The following PDLIM7 variants were observed in gnomAD, a reference collection of about 807,000 sequenced individuals.
The protein encoded by PDLIM7 is PDZ and LIM domain protein 7.
A neutral mutation model predicts 53.9 loss-of-function variants in PDLIM7; 37 were observed. That is an observed-to-expected ratio of 0.69 (90% CI 0.53 to 0.90). PDLIM7 has a LOEUF of 0.90. Ranked by LOEUF, PDLIM7 falls within the 40% of genes least tolerant of loss-of-function variation. The probability of loss-of-function intolerance (pLI) is 0.00; values close to 1 mark genes in which losing one functional copy is unlikely to be tolerated. For missense variants in PDLIM7, 617 were observed against 638.5 expected (o/e 0.97, Z 0.36); for synonymous variants, 300 against 261.3 (o/e 1.15, Z -1.43).
chr5:177,490,641 G>A, intron 7 of PDLIM7: 2 of 1,335,396 alleles, frequency 1.5e-6, no homozygotes, highest in African/African-American at 1.5e-5. Flanking sequence ...AAGGAGAGAT[G>A]GAAGGGAGGC....
intron 7 of PDLIM7, chr5:177,490,610 G>C: frequency 1.3e-6 from 2 of 1,532,108 alleles, no homozygotes; most frequent in Non-Finnish European, 1.8e-6. Context: ...GGCAGAGAGA[G>C]AGGGAGGAAG....
In PDLIM7 at chr5:177,491,443, A is replaced by C. The variant is rs1174902743; in HGVS notation, c.399-297T>G. 18 of 1,538,166 alleles carry C rather than the reference A, an allele frequency of 1.2e-5. No homozygotes were observed. In the Admixed American group the frequency reaches 3.3e-4, roughly 28 times the overall value. On this transcript the variant is annotated intron_variant, in intron 5 of 12. Coordinates refer to ENST00000355841, the MANE Select transcript of PDLIM7 (RefSeq NM_005451.5). ...CACCTGTGAAGGAAATAAGACAGAC[A>C]GACAGATAAAGGGACAAAGGGACAG...
At chr5:177,491,276 C>T in intron 5 of PDLIM7, 130 bp from the exon 6 acceptor site, 2 of 1,438,676 alleles carry the variant, frequency 1.4e-6, no homozygotes, top group Non-Finnish European at 1.9e-6. Flanking sequence ...GGCCAGGAGC[C>T]CTGCTGGGCG....
intron 10 of PDLIM7, among the ~76,000 whole-genome samples, chr5:177,486,791 C>T (rs780569585): frequency 5.3e-5 from 8 of 151,496 alleles, no homozygotes; most frequent in South Asian, 2.1e-4. Context: ...CCACCATGCC[C>T]GGCCAATTTT....
intron 7 of PDLIM7, chr5:177,490,063 G>A (rs898312032): frequency 3.2e-5 from 49 of 1,531,760 alleles, no homozygotes; most frequent in Non-Finnish European, 4.3e-5. Context: ...CCGCTTCTGA[G>A]GCAGCTCCTG....
At chr5:177,496,390 G>A (rs1304350207) in intron 2 of PDLIM7, 27 bp downstream of exon 2, 2 of 1,512,158 alleles carry the variant, frequency 1.3e-6, no homozygotes, top group Non-Finnish European at 1.8e-6. Flanking sequence ...ACCGCTGGGG[G>A]AGCCCCCTCC....
At chr5:177,493,873 G>C (rs1360040245) in intron 2 of PDLIM7, among the ~76,000 whole-genome samples, 1 of 152,198 alleles carries the variant, frequency 6.6e-6, no homozygotes, top group Non-Finnish European at 1.5e-5. Context: ...GGCTCCTCAG[G>C]TGGGTCAGTG....
intron 4 of PDLIM7, 95 bp downstream of exon 4, chr5:177,492,310 G>A: frequency 2.7e-6 from 4 of 1,492,886 alleles, no homozygotes; most frequent in Non-Finnish European, 9.1e-7. Context: ...TCCCGGCCAG[G>A]GATTGGGGTA....
rs770139206 is a variant in PDLIM7, at chr5:177,489,521, G to T, written c.741C>A (p.Ser247Arg). The part of the protein sequence containing the change: ...DKTSTVLTRH[S>R]QPATPTPLQS... ...GCAGCGGCGTGGGCGTGGCCGGCTG[G>T]CTGTGCCGGGTCAGCACTGTGCTCG... Residue 247 changes from serine to arginine, a missense_variant, in exon 9 of 13, where the codon AGC becomes AGA. Ser to Arg is a moderately radical substitution (Grantham distance 110). Coordinates refer to ENST00000355841, the MANE Select transcript of PDLIM7 (RefSeq NM_005451.5). The T allele has an allele frequency of 1.9e-6, 3 of 1,609,282 alleles. No homozygotes were observed. The East Asian group carries it at 6.7e-5, about 36-fold the overall frequency.
At chr5:177,489,942 T>C (rs929099552) in intron 7 of PDLIM7, 110 bp from the exon 8 acceptor site, 3 of 1,537,630 alleles carry the variant, frequency 2.0e-6, no homozygotes, top group Non-Finnish European at 1.7e-6. Flanking sequence ...GCGTGGAAAC[T>C]GCCGAGTTGG....
chr5:177,495,920 C>A (rs540240393), intron 2 of PDLIM7, among the ~76,000 whole-genome samples: 1 of 152,158 alleles, frequency 6.6e-6, no homozygotes, highest in Non-Finnish European at 1.5e-5. Flanking sequence ...TGCTGTGCCT[C>A]AATTCCAATC....
chr5:177,496,259 G>C (rs958350664), intron 2 of PDLIM7, among the ~76,000 whole-genome samples, 158 bp downstream of exon 2: 3 of 152,168 alleles, frequency 2.0e-5, no homozygotes, highest in Non-Finnish European at 4.4e-5. Context: ...CTCATTGGGA[G>C]TCCTTGTGGC....
intron 4 of PDLIM7, 185 bp downstream of exon 4, chr5:177,492,220 G>A: frequency 1.4e-6 from 1 of 701,940 alleles, no homozygotes; most frequent in Non-Finnish European, 2.3e-6. Context: ...GCGGACATGC[G>A]TGGTGCCAGG....
chr5:177,492,682 G>A lies in PDLIM7; in HGVS notation c.97-5C>T, dbSNP rs1456514252. The A allele has an allele frequency of 6.2e-7, 1 of 1,600,488 alleles. No individual in the cohort carries two copies. The highest frequency in any genetic ancestry group is 2.2e-5 in the East Asian group (1 of 44,742). On this transcript the variant is annotated splice_region_variant and splice_polypyrimidine_tract_variant and intron_variant, in intron 2 of 12. Coordinates refer to ENST00000355841, the MANE Select transcript of PDLIM7 (RefSeq NM_005451.5). ...CGCTTTGCCCCCAGGAGTGAGCTGT[G>A]GAGAGAGAAGCAAAGTGACCGAGGC...
chr5:177,492,429 C>T lies in PDLIM7; in HGVS notation c.255G>A (p.Gln85=). The T allele has an allele frequency of 6.2e-7, 1 of 1,613,668 alleles. No individual in the cohort carries two copies. The highest frequency in any genetic ancestry group is 8.5e-7 in the Non-Finnish European group (1 of 1,179,790). ...CCTTCTGCGGTTTGCTCTGAACCGGCTGGGCCCTGGAGGAGAAGGAAAGCG... is the reference window on the plus strand; with the variant it reads ...CCTTCTGCGGTTTGCTCTGAACCGGTTGGGCCCTGGAGGAGAAGGAAAGCG... ...ERLSLGLSRA[Q]PVQSKPQKAS... The change falls in exon 4 of 13, where the codon CAG becomes CAA. Residue 85 remains glutamine (Q), a synonymous_variant. Coordinates refer to ENST00000355841, the MANE Select transcript of PDLIM7 (RefSeq NM_005451.5).
In PDLIM7 at chr5:177,489,427, T is replaced by C; in HGVS notation, c.835A>G (p.Thr279Ala). ...VPGGGSNNGK[T>A]PVCHQCHKVI... ...TTGTGGCACTGGTGACACACGGGAG[T>C]CTTGCCGTTGTTGCTGCCCCCTCCT... The change falls in exon 9 of 13, where the codon ACT (threonine) becomes GCT (alanine). Residue 279 changes from threonine (T) to alanine (A), a missense_variant. Transcript: ENST00000355841. 6.3e-7 allele frequency: 1 copy of C among 1,599,086 alleles called. No homozygotes were observed. The highest frequency in any genetic ancestry group is 8.5e-7 in the Non-Finnish European group (1 of 1,173,342).
rs1211322136 is a variant in PDLIM7 at position 177,496,434 on chromosome 5, G to T, written c.79C>A (p.Pro27Thr). ...AGGCTCACCCGGGAAATGGAGAGGG[G>T]CACATTGAAGTCCTTGCCCCCTTGC... ...RLQGGKDFNV[P>T]LSISRLTPGG... The change falls in exon 2 of 13, where the codon CCC (proline) becomes ACC (threonine). Residue 27 changes from proline to threonine, a missense_variant. Transcript: ENST00000355841. 6.3e-7 allele frequency: 1 copy of T among 1,598,122 alleles called. No homozygotes were observed. The highest frequency in any genetic ancestry group is 8.5e-7 in the Non-Finnish European group (1 of 1,172,104).
chr5:177,489,660 A>G (rs1192847796), intron 8 of PDLIM7, 33 bp from the exon 9 acceptor site: 1 of 1,530,976 alleles, frequency 6.5e-7, no homozygotes, highest in African/African-American at 1.4e-5. Context: ...AGGGGTGCCC[A>G]GGGACCCCAA....
At chr5:177,490,033 T>A in intron 7 of PDLIM7, 1 of 1,533,552 alleles carries the variant, frequency 6.5e-7, no homozygotes, top group Non-Finnish European at 8.7e-7. Context: ...GGTCTCTAGC[T>A]GGGAGACGAG....
Sources: gnomAD v4.1 joint callset for allele counts (sites outside exome capture counted in the v4.1 genomes callset) on GRCh38, gnomAD v4.1.1 for gene constraint, MANE v1.5 for transcripts, NCBI Gene and HGNC (gene_info 2026-07-23, HGNC 2026-07-21) for gene names.